OXSR1: variants seen among roughly 807,000 people sequenced by gnomAD.
OXSR1 encodes oxidative stress responsive kinase 1.
In OXSR1, 24 loss-of-function variants were observed where a neutral mutation model predicts 79.8. The ratio of observed to expected loss-of-function variants is 0.30; its 90% confidence interval spans 0.22 to 0.42. The LOEUF is 0.42. Ranked by LOEUF, OXSR1 falls within the 10% of genes least tolerant of loss-of-function variation. OXSR1 has a pLI of 1.00. For missense variants in OXSR1, 430 were observed against 618.4 expected (o/e 0.70, Z 3.23); for synonymous variants, 226 against 209.2 (o/e 1.08, Z -0.69).
intron 4 of OXSR1, among the ~76,000 whole-genome samples, chr3:38,199,820 A>G (rs968698221): frequency 6.6e-6 from 1 of 152,128 alleles, no homozygotes; most frequent in Non-Finnish European, 1.5e-5. Flanking sequence ...AATACGTGGT[A>G]GATGCTGGAC....
chr3:38,204,021 C>T (rs1702219891), intron 4 of OXSR1, among the ~76,000 whole-genome samples: 1 of 152,188 alleles, frequency 6.6e-6, no homozygotes, highest in South Asian at 2.1e-4. Context: ...CTCTAGTCTA[C>T]TGCAGCTAAG....
intron 4 of OXSR1, among the ~76,000 whole-genome samples, chr3:38,206,311 A>G (rs1359238250): frequency 2.6e-5 from 4 of 152,184 alleles, no homozygotes; most frequent in African/African-American, 4.8e-5. Flanking sequence ...ATTTTTAACA[A>G]TGACATTATG....
intron 10 of OXSR1, 118 bp from the exon 11 acceptor site, chr3:38,236,721 T>G: frequency 1.1e-6 from 1 of 899,626 alleles, no homozygotes; most frequent in Non-Finnish European, 1.6e-6. Flanking sequence ...GGAACATTTA[T>G]GGGGAAAATG....
At chr3:38,229,611 C>T in intron 8 of OXSR1, 76 bp from the exon 9 acceptor site, 2 of 1,303,162 alleles carry the variant, frequency 1.5e-6, no homozygotes, top group Non-Finnish European at 2.2e-6. Context: ...AATTTTTTCT[C>T]ATTTTTGATG....
At chr3:38,233,711 C>G (rs1028266600) in intron 10 of OXSR1, among the ~76,000 whole-genome samples, 3 of 151,762 alleles carry the variant, frequency 2.0e-5, no homozygotes, top group Non-Finnish European at 4.4e-5. Flanking sequence ...CTCAGGAGTT[C>G]TAGACCATCC....
At chr3:38,218,529 G>T (rs1235747617) in intron 5 of OXSR1, among the ~76,000 whole-genome samples, 4 of 151,812 alleles carry the variant, frequency 2.6e-5, no homozygotes, top group Non-Finnish European at 5.9e-5. Context: ...TTTTATTTTT[G>T]TTGTTGTTGT....
chr3:38,233,033 T>G (rs1702843066), intron 10 of OXSR1, among the ~76,000 whole-genome samples: 2 of 151,916 alleles, frequency 1.3e-5, no homozygotes, highest in African/African-American at 4.8e-5. Flanking sequence ...AACAGGAAGA[T>G]TGGTTGACAA....
At chr3:38,233,441 C>A (rs1702852931) in intron 10 of OXSR1, among the ~76,000 whole-genome samples, 1 of 152,180 alleles carries the variant, frequency 6.6e-6, no homozygotes. Context: ...TGTTTCCAAT[C>A]AGTGCTTTAG....
At chr3:38,213,552 C>A (rs546916982) in intron 4 of OXSR1, among the ~76,000 whole-genome samples, 1 of 152,164 alleles carries the variant, frequency 6.6e-6, no homozygotes, top group Admixed American at 6.5e-5. Flanking sequence ...TCTGAATAAA[C>A]TGTGGACTTT....
chr3:38,226,165 T>C (rs1054818144), intron 8 of OXSR1, among the ~76,000 whole-genome samples: 1 of 152,062 alleles, frequency 6.6e-6, no homozygotes, highest in Non-Finnish European at 1.5e-5. Flanking sequence ...CTAGCTCCCA[T>C]TGGATTCCTG....
Position 38,245,993 on chromosome 3 carries a change from C to G in OXSR1, c.1111-82C>G. 3 of 1,256,176 alleles carry G rather than the reference C, an allele frequency of 2.4e-6. No homozygotes were observed. The South Asian group carries it at 3.7e-5, about 15-fold the overall frequency. 77.8% of individuals were successfully genotyped at this position (1,256,176 alleles called of 1,614,324 possible). The stretch of plus-strand genomic sequence containing the variant: ...CCAAAAACTACTTTGAAAATATCAC[C>G]CTGAAAGGCTGAACTTGCTGTCAGC... On this transcript the variant is annotated intron_variant, in intron 12 of 17. Coordinates refer to ENST00000311806, the MANE Select transcript of OXSR1 (RefSeq NM_005109.3).
At chr3:38,177,700 T>C (rs1701700378) in intron 1 of OXSR1, among the ~76,000 whole-genome samples, 1 of 152,044 alleles carries the variant, frequency 6.6e-6, no homozygotes, top group Non-Finnish European at 1.5e-5. Context: ...TCTTCCCATC[T>C]CAGCCTCCCC....
chr3:38,223,664 G>A (rs1702633404), intron 6 of OXSR1, 148 bp from the exon 7 acceptor site: 8 of 475,804 alleles, frequency 1.7e-5, no homozygotes, highest in East Asian at 1.0e-4. Context: ...TGGTCAGGCC[G>A]GTCTTGAACT....
At chr3:38,248,870 T>G (rs553994661) in intron 14 of OXSR1, among the ~76,000 whole-genome samples, 2 of 152,336 alleles carry the variant, frequency 1.3e-5, no homozygotes, top group African/African-American at 4.8e-5. Flanking sequence ...ACAGACTATG[T>G]ATAGCACTCT....
At chr3:38,164,559 C>T (rs1701390079), upstream of OXSR1, among the ~76,000 whole-genome samples, 1 of 152,152 alleles carries the variant, frequency 6.6e-6, no homozygotes, top group African/African-American at 2.4e-5. Context: ...TCCAATTTAC[C>T]AAGCGTGTTC....
At chr3:38,185,855 A>T (rs1701875082) in intron 2 of OXSR1, among the ~76,000 whole-genome samples, 1 of 149,840 alleles carries the variant, frequency 6.7e-6, no homozygotes, top group Non-Finnish European at 1.5e-5. Flanking sequence ...TGAGGTGGCA[A>T]GATTGCTTGA....
At chr3:38,249,649 C>G (rs1403360118) in intron 14 of OXSR1, among the ~76,000 whole-genome samples, 7 of 152,034 alleles carry the variant, frequency 4.6e-5, no homozygotes, top group African/African-American at 1.4e-4. Context: ...TGTGCTCATA[C>G]AATTTTCCTC....
At chr3:38,213,827 T>C (rs1251987292) in intron 4 of OXSR1, among the ~76,000 whole-genome samples, 1 of 152,224 alleles carries the variant, frequency 6.6e-6, no homozygotes, top group Non-Finnish European at 1.5e-5. Flanking sequence ...TTTATGTCAA[T>C]ATAAGCATAA....
At chr3:38,217,970 T>C (rs1702517653) in intron 5 of OXSR1, among the ~76,000 whole-genome samples, 1 of 152,212 alleles carries the variant, frequency 6.6e-6, no homozygotes, top group African/African-American at 2.4e-5. Flanking sequence ...TGAATAATAA[T>C]TCCATTGTAT....
Sources: allele counts gnomAD v4.1 joint callset (sites outside exome capture counted in the v4.1 genomes callset), GRCh38; gene constraint gnomAD v4.1.1; transcripts MANE v1.5; gene names NCBI Gene and HGNC (gene_info 2026-07-23, HGNC 2026-07-21).